The following C1orf54 variants were observed in gnomAD, a reference collection of about 807,000 sequenced individuals.
C1orf54 encodes uncharacterized protein C1orf54.
Under a neutral mutation model 14.7 loss-of-function variants are expected in C1orf54, and 12 were observed. The observed-to-expected ratio is 0.82, with a 90% confidence interval of 0.52 to 1.32. The LOEUF (loss-of-function observed/expected upper bound fraction) is 1.32, where lower values mean the gene tolerates loss of function less well. Among genes scored for constraint, C1orf54 ranks in the 40% most tolerant of loss-of-function variants. C1orf54 has a pLI of 0.00. For missense variants in C1orf54, 163 were observed against 162.2 expected (o/e 1.00, Z -0.03); for synonymous variants, 65 against 56.3 (o/e 1.16, Z -0.70).
Position 150,279,650 on chromosome 1 carries a change from A to G in C1orf54, c.308A>G (p.Asp103Gly). 1 of 1,611,630 alleles carries G rather than the reference A, an allele frequency of 6.2e-7. No individual in the cohort carries two copies. The highest frequency in any genetic ancestry group is 8.5e-7 in the Non-Finnish European group (1 of 1,178,966). The change falls in exon 5 of 6, where the codon GAT becomes GGT. Residue 103 changes from aspartate (D) to glycine (G), a missense_variant. Transcript: ENST00000369099. Reference sequence around the variant, plus strand: ...ATGTCGGTATTTTAGCAGAGTCCAGATCTGAACGATGCCGTGTCCAGTTTG... The same window carrying G: ...ATGTCGGTATTTTAGCAGAGTCCAGGTCTGAACGATGCCGTGTCCAGTTTG... ...VKPVTTEPSP[D>G]LNDAVSSLRS...
At chr1:150,280,415 A>G (rs587705363) in intron 5 of C1orf54, among the ~76,000 whole-genome samples, 1 of 152,376 alleles carries the variant, frequency 6.6e-6, no homozygotes, top group Admixed American at 6.5e-5. Context: ...CCAAGCTTCC[A>G]AAATGTCTGA....
Position 150,275,819 on chromosome 1 carries a change from A to C in C1orf54, c.189+20A>C. 6.3e-7 allele frequency: 1 copy of C among 1,593,078 alleles called. No homozygotes were observed. Among genetic ancestry groups the C allele is most frequent in the Non-Finnish European group, 8.6e-7 (1 of 1,161,356 alleles). ...AGGCTGGTGAGTGAACTCTACATCT[A>C]AAAGGGTTAGGATAAGTAACAATTA... is the stretch of plus-strand genomic sequence containing the variant. On this transcript the variant is annotated intron_variant, in intron 3 of 5. Transcript: ENST00000369099.
chr1:150,274,615 A>G (rs1197718009), intron 2 of C1orf54, among the ~76,000 whole-genome samples: 2 of 112,556 alleles, frequency 1.8e-5, no homozygotes, highest in East Asian at 5.4e-4. Context: ...AAAAAAATGA[A>G]AAAAGATTTA....
chr1:150,280,115 T>TG (rs1165710464), intron 5 of C1orf54, among the ~76,000 whole-genome samples: 2 of 151,980 alleles, frequency 1.3e-5, no homozygotes, highest in Non-Finnish European at 2.9e-5. Flanking sequence ...TCCCAGCTAT[T>TG]GGGGGGGATG....
At chr1:150,271,744 C>T (rs1652217492), upstream of C1orf54, among the ~76,000 whole-genome samples, 1 of 152,144 alleles carries the variant, frequency 6.6e-6, no homozygotes, top group Admixed American at 6.5e-5. Flanking sequence ...AGGGAACATA[C>T]CAAGTGACTG....
Position 150,276,517 on chromosome 1 carries a change from G to A in C1orf54, c.190-5G>A. 1 of 1,608,496 alleles carries A rather than the reference G, an allele frequency of 6.2e-7. No individual in the cohort carries two copies. Among genetic ancestry groups the A allele is most frequent in the Non-Finnish European group, 8.5e-7 (1 of 1,174,932 alleles). ...TCTGTGTTTCCCAAATCCTACTGAG[G>A]GTAGAACAGGTTGGATAAGGACATA... is the stretch of plus-strand genomic sequence containing the variant. On this transcript the variant is annotated splice_polypyrimidine_tract_variant and splice_region_variant and intron_variant, in intron 3 of 5. Transcript: ENST00000369099.
intron 5 of C1orf54, 135 bp from the exon 6 acceptor site, chr1:150,280,700 C>T: frequency 1.5e-6 from 1 of 664,738 alleles, no homozygotes; most frequent in Non-Finnish European, 2.6e-6. Flanking sequence ...GGTACACACA[C>T]ATCTTTCCCA....
intron 1 of C1orf54, among the ~76,000 whole-genome samples, chr1:150,273,156 G>C (rs1274909708): frequency 2.0e-5 from 3 of 152,154 alleles, no homozygotes; most frequent in African/African-American, 7.2e-5. Flanking sequence ...AAGATGACAG[G>C]GGCTAAAGTA....
chr1:150,271,094 G>A (rs1572095587), upstream of C1orf54, among the ~76,000 whole-genome samples: 1 of 151,860 alleles, frequency 6.6e-6, no homozygotes, highest in East Asian at 1.9e-4. Flanking sequence ...AGAGTAAGGT[G>A]GATAGGAATG....
chr1:150,277,155 G>A (rs781861139), intron 4 of C1orf54, among the ~76,000 whole-genome samples: 2 of 152,096 alleles, frequency 1.3e-5, no homozygotes, highest in Non-Finnish European at 2.9e-5. Context: ...TTTGATTGGT[G>A]GGTAGTTATG....
rs782317367 is a variant in C1orf54 at position 150,274,093 on chromosome 1, A to G, written c.53A>G (p.Glu18Gly). ...IFAVPLILGQ[E>G]YEDEERLGED... ...CTAGTCCTTGTCCCCATAGGACAAG[A>G]ATATGAGGATGAAGAAAGACTGGGA... The change falls in exon 2 of 6, where the codon GAA (glutamate) becomes GGA (glycine). Residue 18 changes from glutamate to glycine, a missense_variant. By Grantham distance (98) the Glu-to-Gly change is moderately conservative. Transcript: ENST00000369099. 1.4e-5 allele frequency: 23 copies of G among 1,608,734 alleles called. No homozygotes were observed. Among genetic ancestry groups the G allele is most frequent in the Non-Finnish European group, 1.9e-5 (22 of 1,175,264 alleles).
At chr1:150,272,721 C>T, upstream of C1orf54, 2 of 1,296,106 alleles carry the variant, frequency 1.5e-6, no homozygotes, top group Non-Finnish European at 2.2e-6. Flanking sequence ...GCTGCAGCTC[C>T]TTCCCTGCTT....
At chr1:150,272,650 C>A (rs1572097966), upstream of C1orf54, 1 of 664,608 alleles carries the variant, frequency 1.5e-6, no homozygotes, top group Non-Finnish European at 2.6e-6. Context: ...CCGGCAGTAA[C>A]CGGAGATCTA....
upstream of C1orf54, chr1:150,272,669 G>C: frequency 4.1e-6 from 3 of 739,672 alleles, no homozygotes; most frequent in Non-Finnish European, 4.6e-6. Context: ...TAGTCAGTCA[G>C]CCAGTAGGCG....
At chr1:150,279,296 T>C (rs1553853031) in intron 4 of C1orf54, among the ~76,000 whole-genome samples, 1 of 151,800 alleles carries the variant, frequency 6.6e-6, no homozygotes, top group African/African-American at 2.4e-5. Context: ...AAATATAGAG[T>C]AGACTCTCTT....
upstream of C1orf54, among the ~76,000 whole-genome samples, chr1:150,270,735 G>A (rs1484381432): frequency 9.2e-5 from 14 of 152,200 alleles, 1 homozygote; most frequent in East Asian, 5.8e-4. Context: ...AGTGGCTCAC[G>A]CCTGTAATCC....
At position 150,276,962 on chromosome 1, in the gene C1orf54, C is replaced by T. The variant is rs140957097; in HGVS notation, c.300+330C>T. Among the ~76,000 whole-genome samples the T allele has an allele frequency of 7.8e-4, 118 of 152,052 alleles. 1 individual carries two copies. The highest frequency in any genetic ancestry group is 1.2e-3 in the Non-Finnish European group (83 of 68,000). On this transcript the variant is annotated intron_variant, in intron 4 of 5. Transcript: ENST00000369099. ...CAAGGATTTATAAAATTCAAGTTTA[C>T]GAAACACTTAGAACAAAATGAAAAG...
intron 5 of C1orf54, among the ~76,000 whole-genome samples, chr1:150,280,326 G>C (rs1553853182): frequency 6.6e-6 from 1 of 152,244 alleles, no homozygotes; most frequent in Non-Finnish European, 1.5e-5. Context: ...CTTTTGTGAT[G>C]AGTCATTACT....
intron 3 of C1orf54, 27 bp from the exon 4 acceptor site, chr1:150,276,493 CTG>C (rs782819706): frequency 1.9e-6 from 3 of 1,563,144 alleles, no homozygotes; most frequent in Non-Finnish European, 2.6e-6. Context: ...ACTGATAACT[CTG>C]TGTTTCCCAA....
Sources: allele counts gnomAD v4.1 joint callset (sites outside exome capture counted in the v4.1 genomes callset), GRCh38; gene constraint gnomAD v4.1.1; transcripts MANE v1.5; gene names NCBI Gene and HGNC (gene_info 2026-07-23, HGNC 2026-07-21).